Variants in TRAF6 observed in about 807,000 individuals in gnomAD.
TRAF6 encodes TNF receptor associated factor 6, also known as TNF receptor-associated factor 6.
In TRAF6, 10 loss-of-function variants were observed where a neutral mutation model predicts 48.4. The ratio of observed to expected loss-of-function variants is 0.21; its 90% CI spans 0.13 to 0.35. The LOEUF is 0.35. TRAF6 is among the 10% of genes least tolerant of loss of function. TRAF6 has a pLI of 1.00. For synonymous variants in TRAF6, 186 were observed against 219.6 expected (o/e 0.85, Z 1.35); for missense variants, 397 against 661.0 (o/e 0.60, Z 4.38).
intron 5 of TRAF6, among the ~76,000 whole-genome samples, chr11:36,493,510 T>C (rs902939652): frequency 6.6e-6 from 1 of 152,128 alleles, no homozygotes; most frequent in Non-Finnish European, 1.5e-5. Context: ...CATACACACA[T>C]GGGTATGACT....
rs1410547618 is a variant in TRAF6 at position 36,486,282 on chromosome 11, G to T, written c.*3556C>A. Reference sequence around the variant, plus strand: ...TCGAACTCCTGGCTTCAAGTAATCCGCCAGCCTCCACCTCCCAAAGTGCTG... The same window carrying T: ...TCGAACTCCTGGCTTCAAGTAATCCTCCAGCCTCCACCTCCCAAAGTGCTG... On this transcript the variant is annotated 3_prime_UTR_variant, in exon 7 of 7. Coordinates refer to ENST00000526995, the MANE Select transcript of TRAF6 (RefSeq NM_004620.4). Among the ~76,000 whole-genome samples the T allele has an allele frequency of 1.3e-5, 2 of 152,052 alleles. No homozygotes were observed.
At position 36,485,786 on chromosome 11, in the gene TRAF6, C is replaced by T. The variant is rs373891369; in HGVS notation, c.*4052G>A. Among the ~76,000 whole-genome samples the T allele has an allele frequency of 1.4e-3, 208 of 152,182 alleles. 2 individuals carry two copies. Among genetic ancestry groups the T allele is most frequent in the African/African-American group, 4.9e-3 (204 of 41,466 alleles). The stretch of plus-strand genomic sequence containing the variant: ...GCTGTAATTGAGTGTCACAGTCTGC[C>T]AAGATCCATCCAATTTGATTTCATC... On this transcript the variant is annotated 3_prime_UTR_variant, in exon 7 of 7. Coordinates refer to ENST00000526995, the MANE Select transcript of TRAF6 (RefSeq NM_004620.4).
chr11:36,507,159 T>C lies in TRAF6; in HGVS notation c.-23+2889A>G, dbSNP rs569234662. Reference sequence around the variant, plus strand: ...ATAAATGTATATATGTATATATACATGTATTATACATACATAAATGTATAT... The same window carrying C: ...ATAAATGTATATATGTATATATACACGTATTATACATACATAAATGTATAT... On this transcript the variant is annotated intron_variant, in intron 1 of 6. Transcript: ENST00000526995. 9.3e-3 allele frequency among the ~76,000 whole-genome samples: 1,230 copies of C among 131,872 alleles called. 37 individuals are homozygous for C. Among genetic ancestry groups the C allele is most frequent in the African/African-American group, 0.034 (1,170 of 34,880 alleles). 86.5% of individuals were successfully genotyped at this position (131,872 alleles called of 152,430 possible).
In TRAF6 at chr11:36,485,095, T is replaced by C. The variant is rs1406337577; in HGVS notation, c.*4743A>G. ...CTCATTAAAAGTAACATCTATCAAG[T>C]GATAAAGCAAATGTAACATAATATT... On this transcript the variant is annotated 3_prime_UTR_variant, in exon 7 of 7. Transcript: ENST00000526995. Among the ~76,000 whole-genome samples, 1 of 151,676 alleles carries C rather than the reference T, an allele frequency of 6.6e-6. No individual in the cohort carries two copies. Among genetic ancestry groups the C allele is most frequent in the African/African-American group, 2.4e-5 (1 of 41,000 alleles).
At chr11:36,509,062 A>T (rs1859855853) in intron 1 of TRAF6, among the ~76,000 whole-genome samples, 1 of 152,182 alleles carries the variant, frequency 6.6e-6, no homozygotes, top group Non-Finnish European at 1.5e-5. Context: ...CAACCTCAAA[A>T]TTTGAAAAGC....
At chr11:36,497,054 T>G in intron 4 of TRAF6, 54 bp downstream of exon 4, 1 of 1,588,842 alleles carries the variant, frequency 6.3e-7, no homozygotes, top group Non-Finnish European at 8.6e-7. Flanking sequence ...AGTACACATT[T>G]AAGAACAATA....
In TRAF6 at chr11:36,485,052, A is replaced by G. The variant is rs557897009; in HGVS notation, c.*4786T>C. Among the ~76,000 whole-genome samples, 65 of 151,494 alleles carry G rather than the reference A, an allele frequency of 4.3e-4. No homozygotes were observed. Among genetic ancestry groups the G allele is most frequent in the African/African-American group, 1.4e-3 (56 of 40,794 alleles). On this transcript the variant is annotated 3_prime_UTR_variant, in exon 7 of 7. Transcript: ENST00000526995. ...AGTTATTTTAGAATATTTTGTTTAG[A>G]GAAACCAAACTTGAAGTCTCATTAA...
chr11:36,509,695 T>C (rs1859875139), intron 1 of TRAF6, among the ~76,000 whole-genome samples: 1 of 151,826 alleles, frequency 6.6e-6, no homozygotes, highest in Non-Finnish European at 1.5e-5. Context: ...AGAGGAGGCC[T>C]GGGGAGCAGA....
chr11:36,497,187 A>C lies in TRAF6; in HGVS notation c.527T>G (p.Ile176Ser), dbSNP rs1324774737. 53 of 1,613,984 alleles carry C rather than the reference A, an allele frequency of 3.3e-5. No individual in the cohort carries two copies. Among genetic ancestry groups the C allele is most frequent in the Non-Finnish European group, 4.5e-5 (53 of 1,179,992 alleles). The change falls in exon 4 of 7, where the codon ATT (isoleucine) becomes AGT (serine). Residue 176 changes from isoleucine to serine, a missense_variant. Ile to Ser is a moderately radical substitution (Grantham distance 142). Coordinates refer to ENST00000526995, the MANE Select transcript of TRAF6 (RefSeq NM_004620.4). ...QRPFQKFHINIHILKDCPRRQ... is the reference protein window; with the variant it reads ...QRPFQKFHINSHILKDCPRRQ... Reference sequence around the variant, plus strand: ...CCTTGGACAATCCTTCAGAATGTGAATATTAATATGGAATTTTTGGAAGGG... The same window carrying C: ...CCTTGGACAATCCTTCAGAATGTGACTATTAATATGGAATTTTTGGAAGGG...
intron 6 of TRAF6, among the ~76,000 whole-genome samples, chr11:36,491,734 T>C (rs531020512): frequency 6.6e-6 from 1 of 152,324 alleles, no homozygotes; most frequent in African/African-American, 2.4e-5. Context: ...TTCTCTTTCC[T>C]GTACATACGC....
chr11:36,490,078 C>T lies in TRAF6; in HGVS notation c.1329G>A (p.Arg443=). The T allele has an allele frequency of 1.2e-6, 2 of 1,614,162 alleles. No homozygotes were observed. The highest frequency in any genetic ancestry group is 1.3e-5 in the African/African-American group (1 of 75,022). ...CATCCATTATCTCTTCGTGGTTTTG[C>T]CTTACAGGTGCTTCAGACTGATCAA... is the stretch of plus-strand genomic sequence containing the variant. ...TILDQSEAPV[R]QNHEEIMDAK... is the part of the protein sequence containing the mutation. The change falls in exon 7 of 7, where the codon AGG becomes AGA. Residue 443 remains arginine, a synonymous_variant. Coordinates refer to ENST00000526995, the MANE Select transcript of TRAF6 (RefSeq NM_004620.4). This position sits in a 1 kb window ranked among gnomAD's most constrained non-coding sequence, Gnocchi z 6.4.
At chr11:36,499,896 C>A (rs1386368724) in intron 2 of TRAF6, among the ~76,000 whole-genome samples, 3 of 152,090 alleles carry the variant, frequency 2.0e-5, no homozygotes, top group Admixed American at 1.3e-4. Flanking sequence ...AATCTGCCCC[C>A]CTTCATCCAA....
rs1859507986 is a variant in TRAF6 at position 36,487,917 on chromosome 11, A to G, written c.*1921T>C. 6.6e-6 allele frequency: 1 copy of G among 152,198 alleles called. No homozygotes were observed. The highest frequency in any genetic ancestry group is 6.6e-5 in the Admixed American group (1 of 15,264). 9.4% of individuals were successfully genotyped at this position (152,198 alleles called of 1,614,324 possible). On this transcript the variant is annotated 3_prime_UTR_variant, in exon 7 of 7. Coordinates refer to ENST00000526995, the MANE Select transcript of TRAF6 (RefSeq NM_004620.4). ...CAACATTTAATTTTTTTCTCCGATA[A>G]AAGTACACATTTATTGTAGAAAATG...
chr11:36,502,012 T>C (rs1181583025), intron 1 of TRAF6, among the ~76,000 whole-genome samples: 2 of 152,230 alleles, frequency 1.3e-5, no homozygotes, highest in Admixed American at 1.3e-4. Flanking sequence ...ATCCATGTTG[T>C]TGAAGTTCCT....
At position 36,497,120 on chromosome 11, in the gene TRAF6, A is replaced by C; in HGVS notation, c.594T>G (p.Phe198Leu). 1.9e-6 allele frequency: 3 copies of C among 1,613,112 alleles called. No individual in the cohort carries two copies. The highest frequency in any genetic ancestry group is 2.5e-6 in the Non-Finnish European group (3 of 1,179,720). ...AGTTAGTACATGCCTCTTTATCTTC[A>C]AATGCCATTGATGCAGCACAGTTGT... ...SCDNCAASMA[F>L]EDKEIHDQNC... Residue 198 changes from phenylalanine (F) to leucine (L), a missense_variant, in exon 4 of 7, where the codon TTT becomes TTG. Physicochemically the swap from Phe to Leu is conservative, Grantham distance 22. Around this residue, in one of 4 missense-constraint regions of TRAF6, gnomAD observed 245 missense variants for 349.1 expected, o/e 0.70. Transcript: ENST00000526995.
At chr11:36,492,690 G>A (rs375839927) in intron 5 of TRAF6, 62 bp from the exon 6 acceptor site, 51 of 1,284,776 alleles carry the variant, frequency 4.0e-5, no homozygotes, top group South Asian at 3.7e-4. Context: ...AGTTTGATGC[G>A]ATCACATTTA....
intron 1 of TRAF6, among the ~76,000 whole-genome samples, chr11:36,506,108 A>G (rs5030420): frequency 0.024 from 3,645 of 150,632 alleles, 132 homozygotes; most frequent in African/African-American, 0.085. Context: ...CTTGCACAAC[A>G]CAGGGTTGAC....
intron 4 of TRAF6, chr11:36,496,621 C>T (rs1859638207): frequency 6.6e-6 from 1 of 152,218 alleles, no homozygotes; most frequent in Non-Finnish European, 1.5e-5. Flanking sequence ...TTAAATTTAA[C>T]ATACAAAATG....
chr11:36,489,504 C>T lies in TRAF6; in HGVS notation c.*334G>A. The T allele has an allele frequency of 3.9e-6, 1 of 256,050 alleles. No individual in the cohort carries two copies. The allele number at this position is 256,050 out of a possible 1,614,324, so 15.9% of individuals were successfully genotyped here. On this transcript the variant is annotated 3_prime_UTR_variant, in exon 7 of 7. Coordinates refer to ENST00000526995, the MANE Select transcript of TRAF6 (RefSeq NM_004620.4). ...CCATTATTATTAAAAGTTTAGTACT[C>T]TTGAGTCTGGACTTTCTGACAATAA...
Sources: allele counts gnomAD v4.1 joint callset (sites outside exome capture counted in the v4.1 genomes callset), GRCh38; gene constraint gnomAD v4.1.1; regional missense constraint gnomAD v4.1.1; non-coding constraint Gnocchi (gnomAD v3.1); transcripts MANE v1.5; gene names NCBI Gene and HGNC (gene_info 2026-07-23, HGNC 2026-07-21).